UGT1A3: variants seen among roughly 807,000 people sequenced by gnomAD.
UGT1A3 encodes the protein UDP glucuronosyltransferase family 1 member A3, also known as UDP-glucuronosyltransferase 1A3.
A neutral mutation model predicts 41.0 loss-of-function variants in UGT1A3; 31 were observed. The ratio of observed to expected loss-of-function variants is 0.76; its 90% CI spans 0.57 to 1.02. The LOEUF is 1.02. Among genes scored for constraint, UGT1A3 ranks in the 50% least tolerant of loss-of-function variants. The probability of loss-of-function intolerance (pLI) is 0.00; values close to 1 mark genes in which losing one functional copy is unlikely to be tolerated. For synonymous variants in UGT1A3, 262 were observed against 257.6 expected (o/e 1.02, Z -0.17); for missense variants, 737 against 671.0 (o/e 1.10, Z -1.09).
intron 1 of UGT1A3, among the ~76,000 whole-genome samples, chr2:233,742,222 G>C (rs1373280517): frequency 2.0e-5 from 3 of 151,942 alleles, no homozygotes; most frequent in Non-Finnish European, 4.4e-5. Context: ...TCAGGGCTGA[G>C]AGCCCCAAAC....
intron 1 of UGT1A3, among the ~76,000 whole-genome samples, chr2:233,765,710 AT>A (rs1243221658): frequency 7.2e-6 from 1 of 138,280 alleles, no homozygotes; most frequent in East Asian, 2.2e-4. Context: ...AATAATAATA[AT>A]TAATAATAAT....
chr2:233,768,475 G>A, intron 4 of UGT1A3, 36 bp downstream of exon 4: 2 of 1,597,142 alleles, frequency 1.3e-6, no homozygotes, highest in Non-Finnish European at 1.7e-6. Flanking sequence ...CTTTGGTCAT[G>A]GCATTCATGA....
intron 1 of UGT1A3, among the ~76,000 whole-genome samples, chr2:233,737,949 C>A (rs965025739): frequency 6.6e-6 from 1 of 151,968 alleles, no homozygotes; most frequent in African/African-American, 2.4e-5. Context: ...GACTGTTTCC[C>A]AACATGAGGT....
intron 1 of UGT1A3, chr2:233,747,826 T>C: frequency 3.7e-6 from 6 of 1,613,534 alleles, no homozygotes; most frequent in Non-Finnish European, 5.1e-6. Context: ...TCAGACCACA[T>C]GACATTCCTG....
intron 1 of UGT1A3, among the ~76,000 whole-genome samples, chr2:233,751,496 T>G (rs189001401): frequency 2.2e-4 from 34 of 152,268 alleles, no homozygotes; most frequent in African/African-American, 7.9e-4. Context: ...GACATGAGAT[T>G]TGGGAGGGGC....
In UGT1A3 at chr2:233,767,158, C is replaced by T; in HGVS notation, c.992C>T (p.Pro331Leu). ...MAIADALGKI[P>L]QTVLWRYTGT... Reference sequence around the variant, plus strand: ...ATTGCTGATGCTTTGGGCAAAATCCCTCAGACAGTAAGAAGATTCTATACC... The same window carrying T: ...ATTGCTGATGCTTTGGGCAAAATCCTTCAGACAGTAAGAAGATTCTATACC... Residue 331 changes from proline to leucine, a missense_variant, in exon 2 of 5, where the codon CCT (proline) becomes CTT (leucine). Transcript: ENST00000482026. The T allele has an allele frequency of 6.2e-7, 1 of 1,614,062 alleles. No individual in the cohort carries two copies. Among genetic ancestry groups the T allele is most frequent in the Non-Finnish European group, 8.5e-7 (1 of 1,179,998 alleles).
rs375498105 is a variant in UGT1A3 at position 233,743,694 on chromosome 2, C to T, written c.867+13701C>T. 64 of 1,367,302 alleles carry T rather than the reference C, an allele frequency of 4.7e-5. No homozygotes were observed. In the African/African-American group the frequency reaches 6.5e-4, roughly 14 times the overall value. The allele number at this position is 1,367,302 out of a possible 1,614,324, so 84.7% of individuals were successfully genotyped here. A position where few individuals can be genotyped will look rare whatever the true frequency, so the allele number is the denominator to read the frequency against. ...AAGGGCCTGCCGCCTGTGCAGCCGC[C>T]CTCCGCCCCCGCCTCGCCATAGCGG... On this transcript the variant is annotated intron_variant, in intron 1 of 4. Coordinates refer to ENST00000482026, the MANE Select transcript of UGT1A3 (RefSeq NM_019093.4).
At chr2:233,748,187 T>C (rs919383057) in intron 1 of UGT1A3, 2 of 1,565,066 alleles carry the variant, frequency 1.3e-6, no homozygotes, top group African/African-American at 2.7e-5. Flanking sequence ...GGTGCTTTTA[T>C]TTCTGCTTGT....
chr2:233,740,331 G>A (rs533064296), intron 1 of UGT1A3, among the ~76,000 whole-genome samples: 2 of 152,056 alleles, frequency 1.3e-5, no homozygotes, highest in Non-Finnish European at 2.9e-5. Flanking sequence ...CATTTATTGA[G>A]AAAGTTGATG....
intron 1 of UGT1A3, among the ~76,000 whole-genome samples, chr2:233,754,115 A>G (rs1254927549): frequency 6.6e-6 from 1 of 152,216 alleles, no homozygotes; most frequent in Non-Finnish European, 1.5e-5. Context: ...CTACATCACG[A>G]GCATTTATGT....
Position 233,729,571 on chromosome 2 carries a change from G to A in UGT1A3, c.445G>A (p.Val149Ile), listed in dbSNP as rs965988508. The A allele has an allele frequency of 3.7e-6, 6 of 1,613,982 alleles. No individual in the cohort carries two copies. In the African/African-American group the frequency reaches 6.7e-5, roughly 18 times the overall value. ...RHLNATSFDV[V>I]LTDPVNLCAA... ...CCTGAATGCTACTTCCTTTGATGTG[G>A]TTTTAACAGACCCCGTTAACCTCTG... Residue 149 changes from valine (V) to isoleucine (I), a missense_variant, in exon 1 of 5, where the codon GTT (valine) becomes ATT (isoleucine). Val to Ile is a conservative substitution (Grantham distance 29). Transcript: ENST00000482026.
At chr2:233,742,734 T>C (rs1156368500) in intron 1 of UGT1A3, 3 of 152,940 alleles carry the variant, frequency 2.0e-5, no homozygotes, top group Non-Finnish European at 4.4e-5. Flanking sequence ...GGGATTCAAA[T>C]GTCTGACCTC....
intron 1 of UGT1A3, chr2:233,754,842 G>A (rs1695608877): frequency 7.4e-7 from 1 of 1,343,156 alleles, no homozygotes; most frequent in Non-Finnish European, 1.0e-6. Context: ...TTCACTGAAG[G>A]CAGAGAAAAG....
chr2:233,754,673 A>G, intron 1 of UGT1A3: 2 of 470,398 alleles, frequency 4.3e-6, no homozygotes, highest in Non-Finnish European at 8.4e-6. Flanking sequence ...TGATTTTTTT[A>G]CCATCAACTA....
chr2:233,735,021 C>G (rs939464650), intron 1 of UGT1A3, among the ~76,000 whole-genome samples: 5 of 152,270 alleles, frequency 3.3e-5, no homozygotes, highest in Non-Finnish European at 5.9e-5. Context: ...CTGTAGATGT[C>G]TATTAGGTCT....
intron 1 of UGT1A3, among the ~76,000 whole-genome samples, chr2:233,740,131 G>A (rs1211321915): frequency 6.6e-6 from 1 of 151,860 alleles, no homozygotes; most frequent in East Asian, 1.9e-4. Context: ...CTTCTGTCAT[G>A]ATTGTAAGTT....
intron 1 of UGT1A3, among the ~76,000 whole-genome samples, chr2:233,745,902 G>A (rs961529996): frequency 3.3e-5 from 5 of 151,560 alleles, no homozygotes; most frequent in Non-Finnish European, 7.4e-5. Flanking sequence ...CGTTTTTCAG[G>A]GAGCAGCTGA....
At position 233,740,893 on chromosome 2, in the gene UGT1A3, T is replaced by C. The variant is rs1014621537; in HGVS notation, c.867+10900T>C. 52 of 150,244 alleles carry C rather than the reference T, an allele frequency of 3.5e-4. 1 individual carries two copies. Among genetic ancestry groups the C allele is most frequent in the African/African-American group, 1.2e-3 (48 of 39,828 alleles). 9.3% of individuals were successfully genotyped at this position (150,244 alleles called of 1,614,324 possible). A position where few individuals can be genotyped will look rare whatever the true frequency, so the allele number is the denominator to read the frequency against. The stretch of plus-strand genomic sequence containing the variant: ...ATAAAATGCTCTTGCAGGGACAACA[T>C]AGTAGGTCAACATTGTTCCCATCTC... On this transcript the variant is annotated intron_variant, in intron 1 of 4. Transcript: ENST00000482026.
intron 1 of UGT1A3, among the ~76,000 whole-genome samples, chr2:233,731,463 G>A (rs540385955): frequency 1.5e-4 from 23 of 152,134 alleles, no homozygotes; most frequent in Admixed American, 1.0e-3. Flanking sequence ...AGGCCCTGGC[G>A]TGTGATGTTC....
Sources: gnomAD v4.1 joint callset for allele counts (sites outside exome capture counted in the v4.1 genomes callset) on GRCh38, gnomAD v4.1.1 for gene constraint, MANE v1.5 for transcripts, NCBI Gene and HGNC (gene_info 2026-07-23, HGNC 2026-07-21) for gene names.